LDLRAD4: variants seen among roughly 807,000 people sequenced by gnomAD.
The protein encoded by LDLRAD4 is low density lipoprotein receptor class A domain containing 4, also known as low-density lipoprotein receptor class A domain-containing protein 4.
A neutral mutation model predicts 17.0 loss-of-function variants in LDLRAD4; 5 were observed. The ratio of observed to expected loss-of-function variants is 0.29; its 90% CI spans 0.15 to 0.62. The LOEUF is 0.62. Among genes scored for constraint, LDLRAD4 ranks in the 20% least tolerant of loss-of-function variants. The pLI, the probability that LDLRAD4 is intolerant of heterozygous loss-of-function variation, is 0.84. For missense variants in LDLRAD4, 340 were observed against 424.7 expected, an observed-to-expected ratio of 0.80 and a Z score of 1.75; for synonymous variants, 168 against 171.8, an observed-to-expected ratio of 0.98 and a Z score of 0.17.
At chr18:13,634,022 AGAAACCCTCAACAAAGTAGGAT>A (rs1205667116) in intron 4 of LDLRAD4, among the ~76,000 whole-genome samples, 1 of 152,264 alleles carries the variant, frequency 6.6e-6, no homozygotes, top group African/African-American at 2.4e-5. Flanking sequence ...CTTTCATGAT[AGAAACCCTCAACAAAGTAGGAT>A]GGAAGGAAGC....
chr18:13,291,585 C>T (rs980733551), intron 1 of LDLRAD4, among the ~76,000 whole-genome samples: 14 of 152,240 alleles, frequency 9.2e-5, no homozygotes, highest in Middle Eastern at 3.4e-3. Flanking sequence ...TTCCTTCGCC[C>T]ACAGTAGGCT....
At chr18:13,531,461 A>T (rs187778916) in intron 3 of LDLRAD4, among the ~76,000 whole-genome samples, 110 of 135,808 alleles carry the variant, frequency 8.1e-4, no homozygotes, top group African/African-American at 2.7e-3. Flanking sequence ...AAAAAAAAAA[A>T]TAGGTAGCCT....
intron 3 of LDLRAD4, among the ~76,000 whole-genome samples, chr18:13,479,535 C>T (rs545717341): frequency 2.0e-5 from 3 of 152,122 alleles, no homozygotes; most frequent in South Asian, 2.1e-4. Context: ...GCAGGAGAAT[C>T]GCTTGAACCC....
chr18:13,365,777 C>A (rs995825432), intron 1 of LDLRAD4, among the ~76,000 whole-genome samples: 3 of 152,204 alleles, frequency 2.0e-5, no homozygotes, highest in Non-Finnish European at 4.4e-5. Context: ...GATTATTTGA[C>A]TGATTGATTG....
chr18:13,425,112 G>T (rs1473394207), intron 2 of LDLRAD4, among the ~76,000 whole-genome samples: 5 of 152,156 alleles, frequency 3.3e-5, no homozygotes, highest in Non-Finnish European at 5.9e-5. Flanking sequence ...AACATTCCTT[G>T]TATTCAGGAG....
At chr18:13,509,956 A>T (rs1158943112) in intron 3 of LDLRAD4, among the ~76,000 whole-genome samples, 2 of 152,212 alleles carry the variant, frequency 1.3e-5, no homozygotes, top group African/African-American at 2.4e-5. Context: ...TAAGGTATGT[A>T]CCTTTTTTAG....
At chr18:13,337,740 T>TAAAAAAAAAAAAAAA (rs5823248) in intron 1 of LDLRAD4, among the ~76,000 whole-genome samples, 22 of 135,732 alleles carry the variant, frequency 1.6e-4, no homozygotes, top group African/African-American at 4.8e-4. Context: ...TTACAAAAAG[T>TAAAAAAAAAAAAAAA]AAAAAAAAAA....
At chr18:13,412,030 G>T (rs1244893793) in intron 2 of LDLRAD4, among the ~76,000 whole-genome samples, 1 of 152,134 alleles carries the variant, frequency 6.6e-6, no homozygotes, top group Non-Finnish European at 1.5e-5. Flanking sequence ...GTTTGGTAGA[G>T]ATAGGGTCTC....
intron 1 of LDLRAD4, among the ~76,000 whole-genome samples, chr18:13,324,106 C>T (rs576243526): frequency 6.6e-6 from 1 of 150,786 alleles, no homozygotes; most frequent in South Asian, 2.1e-4. Context: ...ATTACACGTG[C>T]GTGGCTCCAT....
chr18:13,370,619 G>A (rs1446417208), intron 1 of LDLRAD4, among the ~76,000 whole-genome samples: 3 of 152,044 alleles, frequency 2.0e-5, no homozygotes, highest in African/African-American at 7.2e-5. Context: ...GAGAAACCGC[G>A]GGAAATGCTC....
At position 13,288,349 on chromosome 18, in the gene LDLRAD4, A is replaced by G. The variant is rs576654116; in HGVS notation, c.-383+10161A>G. Among the ~76,000 whole-genome samples the G allele has an allele frequency of 9.2e-5, 14 of 152,316 alleles. No individual in the cohort carries two copies. The East Asian group carries it at 2.7e-3, about 29-fold the overall frequency. ...GGTCTCTTCCCTATCTGTTTAAAGG[A>G]CACGTGTATTGAAACTGAAAGATTA... On this transcript the variant is annotated intron_variant, in intron 1 of 5. Coordinates refer to ENST00000359446, the Ensembl canonical transcript of LDLRAD4.
chr18:13,360,405 A>G (rs1364549236), intron 1 of LDLRAD4, among the ~76,000 whole-genome samples: 2 of 152,272 alleles, frequency 1.3e-5, no homozygotes, highest in African/African-American at 4.8e-5. Flanking sequence ...CAGCGCAGCC[A>G]GCGAGGATAA....
intron 1 of LDLRAD4, among the ~76,000 whole-genome samples, chr18:13,247,855 G>A (rs56753153): frequency 0.024 from 3,585 of 152,016 alleles, 140 homozygotes; most frequent in African/African-American, 0.08. Flanking sequence ...TGGAGAACCC[G>A]CTCACTCTGG....
chr18:13,316,640 T>C (rs1393568124), intron 1 of LDLRAD4, among the ~76,000 whole-genome samples: 1 of 152,138 alleles, frequency 6.6e-6, no homozygotes, highest in Non-Finnish European at 1.5e-5. Context: ...AAACACATGA[T>C]GGTAACAGCC....
chr18:13,306,063 C>G (rs1452476988), intron 1 of LDLRAD4, among the ~76,000 whole-genome samples: 1 of 152,038 alleles, frequency 6.6e-6, no homozygotes, highest in Non-Finnish European at 1.5e-5. Context: ...GTTGAGTTCC[C>G]AGATACCATT....
intron 3 of LDLRAD4, among the ~76,000 whole-genome samples, chr18:13,492,290 A>C (rs1360235288): frequency 6.6e-6 from 1 of 152,170 alleles, no homozygotes; most frequent in African/African-American, 2.4e-5. Flanking sequence ...TTTCTCCCCT[A>C]TTCCCGGGCT....
In LDLRAD4 at chr18:13,594,665, C is replaced by CAAAAAAAAAAAAAAAAAAA. The variant is rs56035558; in HGVS notation, c.182-26446_182-26428dup. Among the ~76,000 whole-genome samples the CAAAAAAAAAAAAAAAAAAA allele has an allele frequency of 4.0e-3, 117 of 29,572 alleles. 2 individuals are homozygous for CAAAAAAAAAAAAAAAAAAA. Among genetic ancestry groups the CAAAAAAAAAAAAAAAAAAA allele is most frequent in the Non-Finnish European group, 4.6e-3 (58 of 12,676 alleles). 19.4% of individuals were successfully genotyped at this position (29,572 alleles called of 152,430 possible). ...TGGGTGACAGAGCAAGATTCCATCT[C>CAAAAAAAAAAAAAAAAAAA]AAAAAAAAAAAAAAAAAAAAAAAAG... On this transcript the variant is annotated intron_variant, in intron 3 of 5. Transcript: ENST00000359446.
rs2093796546 is a variant in LDLRAD4, at chr18:13,512,426, G to A, written c.181+74042G>A. ...TGGTTTTGTGAGGTGCTCGCCATGA[G>A]CTTCTGGAGTGGAAAAGGTTGTGTG... is the stretch of plus-strand genomic sequence containing the variant. On this transcript the variant is annotated intron_variant, in intron 3 of 5. Transcript: ENST00000359446. 3.3e-5 allele frequency among the ~76,000 whole-genome samples: 5 copies of A among 152,338 alleles called. No homozygotes were observed. In the South Asian group the frequency reaches 8.3e-4, roughly 25 times the overall value.
chr18:13,402,683 A>G (rs2087339322), intron 2 of LDLRAD4, among the ~76,000 whole-genome samples: 1 of 152,218 alleles, frequency 6.6e-6, no homozygotes, highest in South Asian at 2.1e-4. Context: ...ATTAGTAAAC[A>G]TATGTTGAAT....
Sources: gnomAD v4.1 joint callset for allele counts (sites outside exome capture counted in the v4.1 genomes callset) on GRCh38, gnomAD v4.1.1 for gene constraint, MANE v1.5 for transcripts, NCBI Gene and HGNC (gene_info 2026-07-23, HGNC 2026-07-21) for gene names.